ANKH: variants seen among roughly 807,000 people sequenced by gnomAD.
ANKH encodes mineralization regulator ANKH.
ANKH carries 15 observed loss-of-function variants against 49.0 expected under a neutral mutation model. The ratio of observed to expected loss-of-function variants is 0.31; its 90% confidence interval spans 0.20 to 0.47. ANKH has a LOEUF of 0.47. Among genes scored for constraint, ANKH ranks in the 20% least tolerant of loss-of-function variants. ANKH has a pLI of 1.00. For synonymous variants in ANKH, 273 were observed against 260.0 expected, an observed-to-expected ratio of 1.05 and a Z score of -0.48; for missense variants, 429 against 652.0, an observed-to-expected ratio of 0.66 and a Z score of 3.72.
At chr5:14,742,623 GCTCT>G (rs1215380910) in intron 7 of ANKH, among the ~76,000 whole-genome samples, 3 of 152,326 alleles carry the variant, frequency 2.0e-5, no homozygotes, top group East Asian at 1.9e-4. Flanking sequence ...TGACCCTGGA[GCTCT>G]CTGAGGGCAG....
chr5:14,727,107 A>C (rs1299957020), intron 8 of ANKH, among the ~76,000 whole-genome samples: 1 of 152,090 alleles, frequency 6.6e-6, no homozygotes, highest in Non-Finnish European at 1.5e-5. Context: ...TGGCTAACAT[A>C]GGGGTAGCAA....
intron 2 of ANKH, chr5:14,768,727 C>T (rs1561046521): frequency 1.6e-5 from 9 of 573,958 alleles, no homozygotes; most frequent in South Asian, 8.2e-5. Context: ...TAGATGTAAT[C>T]GCCTACTAAT....
rs1737785456 is a variant in ANKH, at chr5:14,725,156, C to T, written c.1012-8321G>A. On this transcript the variant is annotated intron_variant, in intron 8 of 11. Transcript: ENST00000284268. This position sits in a 1 kb window ranked among gnomAD's most constrained non-coding sequence, Gnocchi z 4.0. ...GGAGGTTAGGGCTTGGCACTGGCGC[C>T]TGACTGCCGGGCTGGCACTCCAACC... Among the ~76,000 whole-genome samples, 1 of 152,216 alleles carries T rather than the reference C, an allele frequency of 6.6e-6. No individual in the cohort carries two copies. The highest frequency in any genetic ancestry group is 2.1e-4 in the South Asian group (1 of 4,828).
intron 1 of ANKH, among the ~76,000 whole-genome samples, chr5:14,777,335 A>C (rs1367980426): frequency 1.3e-5 from 2 of 152,176 alleles, no homozygotes; most frequent in Non-Finnish European, 2.9e-5. Flanking sequence ...CTGGGTCCAG[A>C]AAGTATTGAG....
intron 1 of ANKH, chr5:14,868,377 TA>T: frequency 6.6e-6 from 1 of 152,036 alleles, no homozygotes; most frequent in African/African-American, 2.4e-5. Flanking sequence ...TGAGAGGTTT[TA>T]TTTTTTAATT....
rs144701495 is a variant in ANKH at position 14,773,152 on chromosome 5, C to T, written c.97-3961G>A. On this transcript the variant is annotated intron_variant, in intron 1 of 11. Coordinates refer to ENST00000284268, the MANE Select transcript of ANKH (RefSeq NM_054027.6). ...AGCTTCTAATCATCTATTTCTCAGACATCAACAATAGCATGTGGTTTGTTC... is the reference window on the plus strand; with the variant it reads ...AGCTTCTAATCATCTATTTCTCAGATATCAACAATAGCATGTGGTTTGTTC... 2.5e-4 allele frequency among the ~76,000 whole-genome samples: 38 copies of T among 152,332 alleles called. No homozygotes were observed. In the East Asian group the frequency reaches 4.6e-3, roughly 19 times the overall value.
intron 1 of ANKH, chr5:14,797,919 G>A (rs1215695377): frequency 1.2e-6 from 2 of 1,601,340 alleles, no homozygotes; most frequent in East Asian, 4.5e-5. Context: ...AGAAGGATCT[G>A]GTTTAGAAGG....
chr5:14,816,592 T>A (rs1266137257), intron 1 of ANKH, among the ~76,000 whole-genome samples: 1 of 152,164 alleles, frequency 6.6e-6, no homozygotes, highest in Non-Finnish European at 1.5e-5. Context: ...CTCTTGTTTC[T>A]GGCTCTATTC....
chr5:14,775,834 G>C (rs1739600704), intron 1 of ANKH, among the ~76,000 whole-genome samples: 1 of 152,346 alleles, frequency 6.6e-6, no homozygotes, highest in African/African-American at 2.4e-5. Flanking sequence ...AGCCATTAAA[G>C]GTCTGGGCAG....
At chr5:14,835,920 C>A (rs376427125) in intron 1 of ANKH, among the ~76,000 whole-genome samples, 1 of 152,158 alleles carries the variant, frequency 6.6e-6, no homozygotes, top group Non-Finnish European at 1.5e-5. Context: ...TTATTCACCA[C>A]GATCAAGTTG....
chr5:14,763,316 C>A (rs1181598044), intron 2 of ANKH, among the ~76,000 whole-genome samples: 3 of 152,206 alleles, frequency 2.0e-5, no homozygotes, highest in African/African-American at 2.4e-5. Context: ...CACCCCTGTG[C>A]TTCTAGGGTA....
intron 1 of ANKH, among the ~76,000 whole-genome samples, chr5:14,790,599 T>A (rs373468117): frequency 1.1e-4 from 17 of 152,248 alleles, no homozygotes; most frequent in African/African-American, 4.1e-4. Context: ...AACTGCTCCG[T>A]GGAAACCTAA....
chr5:14,814,210 T>G (rs1740966375), intron 1 of ANKH, among the ~76,000 whole-genome samples: 2 of 152,238 alleles, frequency 1.3e-5, no homozygotes, highest in South Asian at 2.1e-4. Context: ...TCGTTAGTTA[T>G]TTATCTTTGT....
intron 1 of ANKH, among the ~76,000 whole-genome samples, chr5:14,791,967 A>G (rs1302907848): frequency 9.2e-5 from 14 of 152,200 alleles, no homozygotes; most frequent in Admixed American, 9.2e-4. Flanking sequence ...CCTTCAAGGA[A>G]GTCATGATGA....
rs188535360 is a variant in ANKH at position 14,707,063 on chromosome 5, G to A, written c.*4134C>T. Reference sequence around the variant, plus strand: ...AGAAGATAAAGGACCCCTTTTTCTGGACTGTGCACTAGTTTGATTGATGAA... The same window carrying A: ...AGAAGATAAAGGACCCCTTTTTCTGAACTGTGCACTAGTTTGATTGATGAA... On this transcript the variant is annotated 3_prime_UTR_variant, in exon 12 of 12. Transcript: ENST00000284268. 43 of 152,146 alleles carry A rather than the reference G, an allele frequency of 2.8e-4. No homozygotes were observed. Among genetic ancestry groups the A allele is most frequent in the African/African-American group, 1.0e-3 (43 of 41,516 alleles). 9.4% of individuals were successfully genotyped at this position (152,146 alleles called of 1,614,324 possible).
rs368637904 is a variant in ANKH at position 14,709,580 on chromosome 5, C to A, written c.*1617G>T. ...CACACAGCACTGAAAACGGTAGACA[C>A]AAAGGGCCTGCCTTTTTCTTTCTCA... On this transcript the variant is annotated 3_prime_UTR_variant, in exon 12 of 12. Coordinates refer to ENST00000284268, the MANE Select transcript of ANKH (RefSeq NM_054027.6). 1.3e-5 allele frequency: 2 copies of A among 152,212 alleles called. No individual in the cohort carries two copies. The highest frequency in any genetic ancestry group is 3.8e-4 in the East Asian group (2 of 5,196). The allele number at this position is 152,212 out of a possible 1,614,324, so 9.4% of individuals were successfully genotyped here.
At chr5:14,862,142 A>G (rs1359358198) in intron 1 of ANKH, among the ~76,000 whole-genome samples, 1 of 152,184 alleles carries the variant, frequency 6.6e-6, no homozygotes, top group Non-Finnish European at 1.5e-5. Flanking sequence ...AGGCTGAGGC[A>G]GGGGAATCGC....
intron 1 of ANKH, among the ~76,000 whole-genome samples, chr5:14,851,558 G>A (rs987785481): frequency 9.2e-5 from 14 of 152,178 alleles, no homozygotes; most frequent in African/African-American, 3.1e-4. Flanking sequence ...CAAGGGAAAG[G>A]CAATGTTCAT....
At chr5:14,791,762 C>G (rs553040614) in intron 1 of ANKH, among the ~76,000 whole-genome samples, 4 of 152,276 alleles carry the variant, frequency 2.6e-5, no homozygotes, top group African/African-American at 9.6e-5. Context: ...AAAGTCTACC[C>G]CAGCCTCTCC....
Sources: gnomAD v4.1 joint callset for allele counts (sites outside exome capture counted in the v4.1 genomes callset) on GRCh38, gnomAD v4.1.1 for gene constraint, Gnocchi (gnomAD v3.1) non-coding constraint, MANE v1.5 for transcripts, NCBI Gene and HGNC (gene_info 2026-07-23, HGNC 2026-07-21) for gene names.